CEP112: variants seen among roughly 807,000 people sequenced by gnomAD.
The protein encoded by CEP112 is centrosomal protein 112.
In CEP112, 127 loss-of-function variants were observed where a neutral mutation model predicts 153.0. That is an observed-to-expected ratio of 0.83 (90% CI 0.72 to 0.96). CEP112 has a LOEUF of 0.96. Among genes scored for constraint, CEP112 ranks in the 40% least tolerant of loss-of-function variants. The probability of loss-of-function intolerance (pLI) is 0.00; values close to 1 mark genes in which losing one functional copy is unlikely to be tolerated. For synonymous variants in CEP112, 358 were observed against 374.4 expected (o/e 0.96, Z 0.51); for missense variants, 1,089 against 1,101.2 (o/e 0.99, Z 0.16).
Position 65,961,272 on chromosome 17 carries a change from T to C in CEP112, c.1872+191A>G, listed in dbSNP as rs77467370. ...TATACAGGGGACTTTTAAATGATCA[T>C]TCTGGCATTGCTTGAAGGATGAATC... On this transcript the variant is annotated intron_variant, in intron 18 of 26. Coordinates refer to ENST00000535342, the MANE Select transcript of CEP112 (RefSeq NM_001199165.4). Among the ~76,000 whole-genome samples the C allele has an allele frequency of 9.4e-3, 1,430 of 152,356 alleles. 20 individuals carry two copies. Among genetic ancestry groups the C allele is most frequent in the African/African-American group, 0.033 (1,367 of 41,574 alleles).
At chr17:66,053,111 GAA>G (rs36123860) in intron 12 of CEP112, among the ~76,000 whole-genome samples, 27 of 144,384 alleles carry the variant, frequency 1.9e-4, no homozygotes, top group Admixed American at 6.1e-4. Context: ...TGTCTCAAAG[GAA>G]AAAAAAAAAA....
chr17:65,819,995 A>G (rs1441292491), intron 21 of CEP112, among the ~76,000 whole-genome samples: 1 of 152,072 alleles, frequency 6.6e-6, no homozygotes, highest in African/African-American at 2.4e-5. Context: ...CAATTGTACT[A>G]TAGATAAATA....
At chr17:65,754,624 AATAAG>A (rs1298182285) in intron 21 of CEP112, among the ~76,000 whole-genome samples, 7 of 152,140 alleles carry the variant, frequency 4.6e-5, no homozygotes, top group East Asian at 1.9e-4. Context: ...AATAAAATAA[AATAAG>A]ATAAAATAAA....
chr17:66,137,895 A>T (rs922170350), intron 4 of CEP112, among the ~76,000 whole-genome samples: 9 of 152,332 alleles, frequency 5.9e-5, no homozygotes, highest in African/African-American at 1.9e-4. Context: ...CACTGATAAA[A>T]TTATATATAA....
chr17:66,120,346 A>G (rs767736623), intron 6 of CEP112, among the ~76,000 whole-genome samples: 2 of 152,030 alleles, frequency 1.3e-5, no homozygotes, highest in African/African-American at 4.8e-5. Flanking sequence ...GACTACAGGC[A>G]CATGCCACCA....
intron 12 of CEP112, among the ~76,000 whole-genome samples, chr17:66,041,306 C>T (rs538104562): frequency 6.6e-6 from 1 of 151,090 alleles, no homozygotes; most frequent in South Asian, 2.1e-4. Context: ...TATGTTTGAC[C>T]TAAGTGGCAA....
Position 65,840,429 on chromosome 17 carries a change from A to G in CEP112, c.2394+11375T>C, listed in dbSNP as rs2057473656. On this transcript the variant is annotated intron_variant, in intron 21 of 26. Transcript: ENST00000535342. ...AAGGACAGTCCCTTCAATAAACAGT[A>G]CTGGCAAAACTGGATACCCATATTT... Among the ~76,000 whole-genome samples, 2 of 152,048 alleles carry G rather than the reference A, an allele frequency of 1.3e-5. 1 individual carries two copies. The highest frequency in any genetic ancestry group is 1.3e-4 in the Admixed American group (2 of 15,266).
At chr17:65,934,312 A>C (rs2061232160) in intron 18 of CEP112, among the ~76,000 whole-genome samples, 1 of 152,234 alleles carries the variant, frequency 6.6e-6, no homozygotes, top group South Asian at 2.1e-4. Flanking sequence ...TATCATCTTG[A>C]AGTAGCCTGT....
chr17:65,665,299 G>A (rs1378395867), intron 24 of CEP112, among the ~76,000 whole-genome samples: 1 of 152,178 alleles, frequency 6.6e-6, no homozygotes, highest in Non-Finnish European at 1.5e-5. Context: ...GGTACATTAA[G>A]AGCCTCAGTC....
chr17:65,946,366 G>C (rs973713122), intron 18 of CEP112, among the ~76,000 whole-genome samples: 1 of 152,034 alleles, frequency 6.6e-6, no homozygotes, highest in Admixed American at 6.6e-5. Context: ...GTAAAATAAG[G>C]GGCAAGATTC....
At chr17:65,972,215 G>A (rs1015597632) in intron 17 of CEP112, among the ~76,000 whole-genome samples, 11 of 152,158 alleles carry the variant, frequency 7.2e-5, no homozygotes, top group Admixed American at 5.2e-4. Context: ...TGTGATCATT[G>A]TGAAATTAAA....
intron 10 of CEP112, among the ~76,000 whole-genome samples, chr17:66,063,628 T>C (rs1276944561): frequency 1.3e-5 from 2 of 152,146 alleles, no homozygotes; most frequent in Non-Finnish European, 2.9e-5. Context: ...AAACCACTTG[T>C]AACCTAAAAG....
At chr17:66,104,064 G>T (rs1482102988) in intron 6 of CEP112, among the ~76,000 whole-genome samples, 1 of 152,150 alleles carries the variant, frequency 6.6e-6, no homozygotes, top group African/African-American at 2.4e-5. Flanking sequence ...AGGTCACAAG[G>T]ACTGCAAGTC....
At chr17:65,855,677 C>T (rs548422775) in intron 20 of CEP112, among the ~76,000 whole-genome samples, 8 of 152,298 alleles carry the variant, frequency 5.3e-5, no homozygotes, top group African/African-American at 1.9e-4. Flanking sequence ...AGTAAATAAA[C>T]CTGAGGAGCA....
chr17:66,014,361 C>T (rs2064677595), intron 16 of CEP112, among the ~76,000 whole-genome samples: 2 of 152,196 alleles, frequency 1.3e-5, no homozygotes, highest in Non-Finnish European at 2.9e-5. Context: ...CAAAGCCAGG[C>T]TATGGTCCCA....
chr17:66,036,729 A>G (rs192062561), intron 12 of CEP112, among the ~76,000 whole-genome samples: 32 of 152,360 alleles, frequency 2.1e-4, no homozygotes, highest in African/African-American at 7.7e-4. Context: ...TCCTTGAATC[A>G]AAACCTATTC....
intron 6 of CEP112, among the ~76,000 whole-genome samples, chr17:66,129,258 T>C (rs1316469971): frequency 1.3e-5 from 2 of 152,174 alleles, no homozygotes; most frequent in Non-Finnish European, 2.9e-5. Flanking sequence ...TACATCTTTC[T>C]TCGTGCCTAT....
intron 19 of CEP112, among the ~76,000 whole-genome samples, chr17:65,913,121 T>C (rs573618971): frequency 2.0e-5 from 3 of 152,342 alleles, no homozygotes; most frequent in African/African-American, 7.2e-5. Flanking sequence ...CATCAGGTTA[T>C]GTCTCTGAAA....
intron 17 of CEP112, among the ~76,000 whole-genome samples, chr17:66,000,550 T>G (rs2063993697): frequency 6.6e-6 from 1 of 150,914 alleles, no homozygotes; most frequent in Admixed American, 6.6e-5. Context: ...AGGCATGCAC[T>G]GGTACAACAC....
Sources: gnomAD v4.1 joint callset for allele counts (sites outside exome capture counted in the v4.1 genomes callset) on GRCh38, gnomAD v4.1.1 for gene constraint, MANE v1.5 for transcripts, NCBI Gene and HGNC (gene_info 2026-07-23, HGNC 2026-07-21) for gene names.